The following EXOC1 variants were observed in gnomAD, a reference collection of about 807,000 sequenced individuals.
EXOC1 encodes the protein SEC3-like 1.
Under a neutral mutation model 107.7 loss-of-function variants are expected in EXOC1, and 67 were observed. The ratio of observed to expected loss-of-function variants is 0.62; its 90% CI spans 0.51 to 0.76. EXOC1 has a LOEUF of 0.76. Ranked by LOEUF, EXOC1 falls within the 30% of genes least tolerant of loss-of-function variation. EXOC1 has a pLI of 0.00. For missense variants in EXOC1, 833 were observed against 1,055.7 expected (o/e 0.79, Z 2.92); for synonymous variants, 348 against 353.5 (o/e 0.98, Z 0.17).
At chr4:55,902,833 C>T (rs1398362273) in intron 18 of EXOC1, among the ~76,000 whole-genome samples, 1 of 151,856 alleles carries the variant, frequency 6.6e-6, no homozygotes. Flanking sequence ...GAGATGGGTT[C>T]ATAATCTGGC....
chr4:55,890,192 T>C (rs1724355165), intron 11 of EXOC1, 31 bp from the exon 12 acceptor site: 1 of 1,607,624 alleles, frequency 6.2e-7, no homozygotes, highest in Non-Finnish European at 8.5e-7. Context: ...TTTGTGAAGA[T>C]CACAACTTTC....
At chr4:55,855,932 G>A (rs925147150) in intron 1 of EXOC1, among the ~76,000 whole-genome samples, 1 of 152,200 alleles carries the variant, frequency 6.6e-6, no homozygotes, top group Non-Finnish European at 1.5e-5. Flanking sequence ...AGACGGAGAA[G>A]CAAGCAATTG....
At chr4:55,899,979 T>A in intron 17 of EXOC1, 95 bp downstream of exon 17, 1 of 1,119,822 alleles carries the variant, frequency 8.9e-7, no homozygotes, top group Non-Finnish European at 1.3e-6. Context: ...TTAAATTTTC[T>A]CATGTGTTGG....
At chr4:55,863,487 C>T (rs1033352251) in intron 3 of EXOC1, among the ~76,000 whole-genome samples, 2 of 152,006 alleles carry the variant, frequency 1.3e-5, no homozygotes, top group Non-Finnish European at 2.9e-5. Flanking sequence ...GGTATGTGTC[C>T]GTGTCCCCAG....
chr4:55,894,522 GTATTT>G (rs1375886236), intron 15 of EXOC1, among the ~76,000 whole-genome samples: 1 of 144,620 alleles, frequency 6.9e-6, no homozygotes, highest in Non-Finnish European at 1.5e-5. Context: ...TTTAATAATT[GTATTT>G]TATTTTAGGA....
chr4:55,859,086 G>C (rs1227193729), intron 2 of EXOC1, among the ~76,000 whole-genome samples: 2 of 152,112 alleles, frequency 1.3e-5, no homozygotes, highest in Non-Finnish European at 2.9e-5. Context: ...AGCATTTCTG[G>C]TTGTCATCTT....
chr4:55,871,155 G>C lies in EXOC1; in HGVS notation c.886G>C (p.Ala296Pro). ...AAAGGCCCTTCAGGAAGGAGATCTTGCTTCTTCCAGAGGCATTGAGGCCTG... is the reference window on the plus strand; with the variant it reads ...AAAGGCCCTTCAGGAAGGAGATCTTCCTTCTTCCAGAGGCATTGAGGCCTG... ...HIKALQEGDL[A>P]SSRGIEACTN... The change falls in exon 7 of 19, where the codon GCT (alanine) becomes CCT (proline). Residue 296 changes from alanine (A) to proline (P), a missense_variant. Physicochemically the swap from Ala to Pro is conservative, Grantham distance 27 (BLOSUM62 -1). Coordinates refer to ENST00000381295, the MANE Select transcript of EXOC1 (RefSeq NM_001024924.2). The C allele has an allele frequency of 6.2e-7, 1 of 1,613,904 alleles. No individual in the cohort carries two copies. Among genetic ancestry groups the C allele is most frequent in the Non-Finnish European group, 8.5e-7 (1 of 1,179,898 alleles).
In EXOC1 at chr4:55,868,415, A is replaced by C. The variant is rs1263245155; in HGVS notation, c.495A>C (p.Ala165=). 1 of 1,613,784 alleles carries C rather than the reference A, an allele frequency of 6.2e-7. No homozygotes were observed. The highest frequency in any genetic ancestry group is 1.3e-5 in the African/African-American group (1 of 74,918). ...TAGATGAATACCAAGAGTTAAATGC[A>C]AGAGAAGAACAGGATATCGAAATAA... ...EVVDEYQELN[A]REEQDIEIMM... The change falls in exon 5 of 19, where the codon GCA becomes GCC. Residue 165 remains alanine (A), a synonymous_variant. Transcript: ENST00000381295.
At chr4:55,896,429 C>A (rs1382835082) in intron 15 of EXOC1, among the ~76,000 whole-genome samples, 12 of 152,174 alleles carry the variant, frequency 7.9e-5, no homozygotes, top group Non-Finnish European at 1.3e-4. Flanking sequence ...CAGGCATGAG[C>A]CACCGTCCCC....
intron 16 of EXOC1, among the ~76,000 whole-genome samples, chr4:55,898,132 C>A (rs1458645296): frequency 6.6e-6 from 1 of 151,912 alleles, no homozygotes; most frequent in African/African-American, 2.4e-5. Context: ...GTGGTGTGTC[C>A]CTGAGTTTCA....
chr4:55,887,725 CAAA>C (rs754950176), intron 10 of EXOC1, among the ~76,000 whole-genome samples: 28 of 97,020 alleles, frequency 2.9e-4, no homozygotes, highest in Admixed American at 2.2e-4. Context: ...GATCCTGCCT[CAAA>C]AAAAAAAAAA....
intron 1 of EXOC1, 58 bp from the exon 2 acceptor site, chr4:55,858,256 A>G: frequency 7.0e-7 from 1 of 1,434,904 alleles, no homozygotes; most frequent in Non-Finnish European, 9.2e-7. Context: ...TAAATTCAGA[A>G]GTATAAGATG....
In EXOC1 at chr4:55,891,503, G is replaced by C. The variant is rs975096824; in HGVS notation, c.1647+81G>C. The C allele has an allele frequency of 8.6e-6, 8 of 931,390 alleles. No homozygotes were observed. In the African/African-American group the frequency reaches 1.3e-4, roughly 15 times the overall value. The allele number at this position is 931,390 out of a possible 1,614,324, so 57.7% of individuals were successfully genotyped here. A position where few individuals can be genotyped will look rare whatever the true frequency, so the allele number is the denominator to read the frequency against. On this transcript the variant is annotated intron_variant, in intron 13 of 18. Coordinates refer to ENST00000381295, the MANE Select transcript of EXOC1 (RefSeq NM_001024924.2). ...AATTAATATGTGGTCACAATTTTAT[G>C]ATCAGAAGAGAAAAGGAAAGAATTT...
At chr4:55,860,818 TTGC>T (rs1331486744) in intron 3 of EXOC1, among the ~76,000 whole-genome samples, 1 of 152,084 alleles carries the variant, frequency 6.6e-6, no homozygotes, top group African/African-American at 2.4e-5. Context: ...TGAGTTTTTT[TTGC>T]TTGTTTGTTT....
intron 4 of EXOC1, among the ~76,000 whole-genome samples, chr4:55,867,996 G>A (rs1306806367): frequency 2.0e-5 from 3 of 152,056 alleles, no homozygotes; most frequent in African/African-American, 4.8e-5. Context: ...CATCAGGTAC[G>A]AAAAAATGTT....
chr4:55,874,684 TTACA>T (rs897287328), intron 8 of EXOC1, among the ~76,000 whole-genome samples: 3 of 152,158 alleles, frequency 2.0e-5, no homozygotes, highest in Non-Finnish European at 4.4e-5. Flanking sequence ...GAGAGTAATG[TTACA>T]TAAAGAGTAG....
intron 9 of EXOC1, among the ~76,000 whole-genome samples, chr4:55,881,899 C>T (rs1312006988): frequency 6.6e-6 from 1 of 151,922 alleles, no homozygotes; most frequent in Non-Finnish European, 1.5e-5. Flanking sequence ...CCATGGAGAC[C>T]CTACAGCGGA....
intron 16 of EXOC1, among the ~76,000 whole-genome samples, chr4:55,897,516 C>G (rs1294271403): frequency 6.6e-6 from 1 of 152,098 alleles, no homozygotes; most frequent in Non-Finnish European, 1.5e-5. Context: ...TCGCTTTCTT[C>G]CTGTGTCAGA....
At chr4:55,903,142 TC>T (rs1297957460) in intron 18 of EXOC1, among the ~76,000 whole-genome samples, 13 of 110,398 alleles carry the variant, frequency 1.2e-4, no homozygotes, top group African/African-American at 4.9e-4. Flanking sequence ...AGGCCGTGTC[TC>T]AATTAAAAAA....
Sources: allele counts gnomAD v4.1 joint callset (sites outside exome capture counted in the v4.1 genomes callset), GRCh38; gene constraint gnomAD v4.1.1; transcripts MANE v1.5; gene names NCBI Gene and HGNC (gene_info 2026-07-23, HGNC 2026-07-21).